Variants in NMBR observed in about 807,000 individuals in gnomAD.
NMBR encodes the protein neuromedin B receptor, also known as neuromedin-B receptor.
Under a neutral mutation model 20.5 loss-of-function variants are expected in NMBR, and 16 were observed. That is an observed-to-expected ratio of 0.78 (90% CI 0.53 to 1.19). The LOEUF (loss-of-function observed/expected upper bound fraction) is 1.19, where lower values mean the gene tolerates loss of function less well. Among genes scored for constraint, NMBR ranks in the 50% most tolerant of loss-of-function variants. The probability of loss-of-function intolerance (pLI) is 0.00; values close to 1 mark genes in which losing one functional copy is unlikely to be tolerated. For synonymous variants in NMBR, 212 were observed against 196.6 expected (o/e 1.08, Z -0.65); for missense variants, 582 against 499.1 (o/e 1.17, Z -1.58).
chr6:142,094,275 T>C (rs546714790), intron 1 of NMBR, among the ~76,000 whole-genome samples: 2 of 152,216 alleles, frequency 1.3e-5, no homozygotes, highest in Admixed American at 1.3e-4. Context: ...AGGGTTTTTA[T>C]TGTTTTAGGT....
chr6:142,113,763 CTTTACAGATATTTA>C lies in NMBR; in HGVS notation c.-663-24456_-663-24443del, dbSNP rs554698085. 2.5e-3 allele frequency among the ~76,000 whole-genome samples: 375 copies of C among 152,064 alleles called. 1 individual carries two copies. The highest frequency in any genetic ancestry group is 0.014 in the Middle Eastern group (4 of 294). Reference sequence around the variant, plus strand: ...AAATTTGGAAGCAACTATTTAGTTGCTTTACAGATATTTATTTACAGATATTTATTTACAGATAT... The same window carrying C: ...AAATTTGGAAGCAACTATTTAGTTGCTTTACAGATATTTATTTACAGATAT... On this transcript the variant is annotated intron_variant, in intron 1 of 3. Transcript: ENST00000258042.
intron 2 of NMBR, among the ~76,000 whole-genome samples, 191 bp from the exon 3 acceptor site, chr6:142,079,094 A>AAGAGAGAGAGAG (rs1181099175): frequency 6.1e-5 from 3 of 48,938 alleles, no homozygotes. Context: ...GAAAGAGAGA[A>AAGAGAGAGAGAG]AGAGAGAGAG....
At chr6:142,112,097 C>G (rs1490117628) in intron 1 of NMBR, among the ~76,000 whole-genome samples, 1 of 152,008 alleles carries the variant, frequency 6.6e-6, no homozygotes, top group African/African-American at 2.4e-5. Context: ...GGGAGGCTGT[C>G]GGGAGAATCG....
chr6:142,133,789 T>C (rs987234691), intron 1 of NMBR: 7 of 549,812 alleles, frequency 1.3e-5, no homozygotes, highest in Non-Finnish European at 2.3e-5. Flanking sequence ...AAGGATTTTT[T>C]TAAATGTCCT....
chr6:142,112,867 ATAAT>A (rs141000940), intron 1 of NMBR, among the ~76,000 whole-genome samples: 53,310 of 151,624 alleles, frequency 0.35, 10,585 homozygotes, highest in Middle Eastern at 0.52. Flanking sequence ...TATAAATATG[ATAAT>A]TAATTTGATT....
rs545613344 is a variant in NMBR, at chr6:142,076,005, C to A, written c.816G>T (p.Val272=). Residue 272 remains valine, a synonymous_variant, in exon 4 of 4, where the codon GTG becomes GTT. Coordinates refer to ENST00000258042, the MANE Select transcript of NMBR (RefSeq NM_002511.4). The part of the protein sequence containing the change: ...KRLAKIVLVF[V]GCFIFCWFPN... ...GAAACCAACAGAAGATGAAACAGCC[C>A]ACAAAGACAAGCACAATTTTAGCCA... 19 of 1,606,490 alleles carry A rather than the reference C, an allele frequency of 1.2e-5. No homozygotes were observed. In the African/African-American group the frequency reaches 2.3e-4, roughly 19 times the overall value.
At chr6:142,113,314 A>G (rs1273591976) in intron 1 of NMBR, among the ~76,000 whole-genome samples, 2 of 152,126 alleles carry the variant, frequency 1.3e-5, no homozygotes, top group Admixed American at 6.6e-5. Context: ...ACACACTGAG[A>G]GTGGCATATG....
chr6:142,115,724 G>A (rs2745471), intron 1 of NMBR, among the ~76,000 whole-genome samples: 62,083 of 151,830 alleles, frequency 0.41, 13,209 homozygotes, highest in Middle Eastern at 0.57. Flanking sequence ...GTTGTTTTTC[G>A]GTTCCTAGAT....
At chr6:142,078,954 A>G in intron 2 of NMBR, 51 bp from the exon 3 acceptor site, 1 of 1,320,896 alleles carries the variant, frequency 7.6e-7, no homozygotes, top group Non-Finnish European at 1.0e-6. Flanking sequence ...GAAAGAAAAA[A>G]GAGAAAGAAA....
At chr6:142,135,104 A>G in intron 1 of NMBR, 2 of 328,342 alleles carry the variant, frequency 6.1e-6, no homozygotes, top group Non-Finnish European at 1.1e-5. Flanking sequence ...TTTAATTTTG[A>G]TCACTTTTAT....
chr6:142,132,346 G>T (rs1006519433), intron 1 of NMBR, among the ~76,000 whole-genome samples: 1 of 152,146 alleles, frequency 6.6e-6, no homozygotes, highest in African/African-American at 2.4e-5. Context: ...GGTGCCTGCT[G>T]GTCCTCAACA....
At chr6:142,093,384 T>C (rs1006058802) in intron 1 of NMBR, among the ~76,000 whole-genome samples, 2 of 145,492 alleles carry the variant, frequency 1.4e-5, no homozygotes, top group African/African-American at 5.1e-5. Flanking sequence ...TTCCCACCTA[T>C]GAGTGAGAAC....
intron 1 of NMBR, among the ~76,000 whole-genome samples, chr6:142,106,827 A>C (rs950543944): frequency 1.2e-4 from 18 of 152,254 alleles, no homozygotes; most frequent in African/African-American, 4.1e-4. Flanking sequence ...AGTTAAGTCA[A>C]GACAAGATGG....
At chr6:142,144,660 A>G (rs933074169) in intron 1 of NMBR, among the ~76,000 whole-genome samples, 6 of 152,204 alleles carry the variant, frequency 3.9e-5, no homozygotes, top group Non-Finnish European at 7.3e-5. Context: ...ACAGTCATTA[A>G]TATTTGTTTT....
In NMBR at chr6:142,095,157, C is replaced by T. The variant is rs567808264; in HGVS notation, c.-663-5836G>A. 2.9e-4 allele frequency among the ~76,000 whole-genome samples: 44 copies of T among 152,072 alleles called. 1 individual carries two copies. The South Asian group carries it at 8.7e-3, about 30-fold the overall frequency. On this transcript the variant is annotated intron_variant, in intron 1 of 3. Coordinates refer to ENST00000258042, the MANE Select transcript of NMBR (RefSeq NM_002511.4). ...AATACCCTTTATTTCCTTCTCCTGC[C>T]TAATTGCCCTGGCCAGAACTTCCAA... is the stretch of plus-strand genomic sequence containing the variant.
intron 2 of NMBR, among the ~76,000 whole-genome samples, chr6:142,080,587 A>G (rs1470212349): frequency 1.3e-5 from 2 of 152,150 alleles, no homozygotes; most frequent in South Asian, 4.1e-4. Context: ...TGCTGGGGTT[A>G]TAGGTATGAG....
At position 142,078,795 on chromosome 6, in the gene NMBR, G is replaced by A. The variant is rs746569483; in HGVS notation, c.531C>T (p.Pro177=). ...GAGCCACTTCTGAAAACACCGCTTC[G>A]GGAACTGCCAGCAACACGGAGACCA... ...IWVVSVLLAV[P]EAVFSEVARI... is the part of the protein sequence containing the mutation. Residue 177 remains proline (P), a synonymous_variant, in exon 3 of 4, where the codon CCC becomes CCT. Transcript: ENST00000258042. 17 of 1,613,640 alleles carry A rather than the reference G, an allele frequency of 1.1e-5. No individual in the cohort carries two copies. The Admixed American group carries it at 1.3e-4, about 13-fold the overall frequency.
chr6:142,127,048 A>C (rs998462131), intron 1 of NMBR, among the ~76,000 whole-genome samples: 1 of 151,778 alleles, frequency 6.6e-6, no homozygotes, highest in African/African-American at 2.4e-5. Flanking sequence ...TTAGTGTCCT[A>C]TCCAAAAATT....
At chr6:142,102,524 C>T (rs1014394636) in intron 1 of NMBR, among the ~76,000 whole-genome samples, 1 of 152,092 alleles carries the variant, frequency 6.6e-6, no homozygotes, top group Non-Finnish European at 1.5e-5. Flanking sequence ...ACAGATACTT[C>T]TGTTTAGCCA....
Sources: gnomAD v4.1 joint callset for allele counts (sites outside exome capture counted in the v4.1 genomes callset) on GRCh38, gnomAD v4.1.1 for gene constraint, MANE v1.5 for transcripts, NCBI Gene and HGNC (gene_info 2026-07-23, HGNC 2026-07-21) for gene names.